RBMS3: variants seen among roughly 807,000 people sequenced by gnomAD.
RBMS3 encodes RNA-binding motif, single-stranded-interacting protein 3.
RBMS3 carries 27 observed loss-of-function variants against 66.8 expected under a neutral mutation model. That is an observed-to-expected ratio of 0.40 (90% CI 0.30 to 0.56). The LOEUF is 0.56. Among genes scored for constraint, RBMS3 ranks in the 20% least tolerant of loss-of-function variants. The pLI is 0.40. For synonymous variants in RBMS3, 188 were observed against 183.0 expected, an observed-to-expected ratio of 1.03 and a Z score of -0.22; for missense variants, 513 against 549.5, an observed-to-expected ratio of 0.93 and a Z score of 0.66.
At chr3:29,630,472 G>C (rs1057459054) in intron 4 of RBMS3, among the ~76,000 whole-genome samples, 1 of 151,900 alleles carries the variant, frequency 6.6e-6, no homozygotes, top group African/African-American at 2.4e-5. Flanking sequence ...TACAGTGCCT[G>C]CTATACATAG....
At chr3:29,751,022 T>C (rs2055158188) in intron 5 of RBMS3, among the ~76,000 whole-genome samples, 1 of 152,218 alleles carries the variant, frequency 6.6e-6, no homozygotes, top group African/African-American at 2.4e-5. Context: ...AGTCATTTAT[T>C]TTGTGAAAAT....
At chr3:29,657,448 T>A (rs1262750706) in intron 4 of RBMS3, among the ~76,000 whole-genome samples, 1 of 152,232 alleles carries the variant, frequency 6.6e-6, no homozygotes, top group Non-Finnish European at 1.5e-5. Context: ...TCTTCTCCAC[T>A]GAGCATTGAA....
intron 3 of RBMS3, among the ~76,000 whole-genome samples, chr3:29,512,000 T>C (rs1338237717): frequency 6.6e-6 from 1 of 152,124 alleles, no homozygotes; most frequent in Admixed American, 6.6e-5. Flanking sequence ...TAAAATCTTA[T>C]GTTATGGTAC....
At chr3:29,689,856 G>A (rs531768739) in intron 4 of RBMS3, among the ~76,000 whole-genome samples, 39 of 128,452 alleles carry the variant, frequency 3.0e-4, no homozygotes, top group African/African-American at 1.1e-3. Flanking sequence ...GAGGCATAAG[G>A]TTCACTTAAG....
At position 29,608,663 on chromosome 3, in the gene RBMS3, T is replaced by C. The variant is rs574653909; in HGVS notation, c.399+21458T>C. On this transcript the variant is annotated intron_variant, in intron 4 of 14. Coordinates refer to ENST00000383767, the MANE Select transcript of RBMS3 (RefSeq NM_001003793.3). ...ATTAAACTGCATGAACGAGCTGAGA[T>C]GAGAGAAGAATATAGTCAAGGTAAA... Among the ~76,000 whole-genome samples, 6 of 152,068 alleles carry C rather than the reference T, an allele frequency of 3.9e-5. No individual in the cohort carries two copies. The East Asian group carries it at 9.7e-4, about 25-fold the overall frequency.
chr3:29,988,223 A>G lies in RBMS3; in HGVS notation c.1179A>G (p.Glu393=). Residue 393 remains glutamate (E), a splice_region_variant and synonymous_variant, in exon 13 of 15, where the codon GAA becomes GAG. Transcript: ENST00000383767. ...TGCCTCCGACAGCTGTTTCTATTGA[A>G]GTAAGTCTACCCCTGTCTAATAAAG... ...TPVPPTAVSI[E]GVVADTSPQT... is the part of the protein sequence containing the mutation. The G allele has an allele frequency of 6.2e-7, 1 of 1,603,340 alleles. No homozygotes were observed. Among genetic ancestry groups the G allele is most frequent in the Non-Finnish European group, 8.5e-7 (1 of 1,170,730 alleles).
intron 12 of RBMS3, among the ~76,000 whole-genome samples, chr3:29,965,736 A>G (rs1816995): frequency 0.33 from 50,493 of 151,906 alleles, 9,351 homozygotes; most frequent in African/African-American, 0.49. Context: ...AGTTTAATTA[A>G]GCCCAAAAAA....
chr3:29,291,319 T>C (rs1183934270), intron 1 of RBMS3, among the ~76,000 whole-genome samples: 3 of 151,934 alleles, frequency 2.0e-5, no homozygotes, highest in Non-Finnish European at 4.4e-5. Flanking sequence ...AATATCTCTG[T>C]ATTTTAGTAA....
intron 1 of RBMS3, among the ~76,000 whole-genome samples, chr3:29,413,037 T>G (rs9828661): frequency 0.025 from 3,817 of 152,244 alleles, 175 homozygotes; most frequent in African/African-American, 0.086. Context: ...TGGCCCTGTT[T>G]GGACATTAAT....
At chr3:29,803,592 T>C (rs980295286) in intron 6 of RBMS3, among the ~76,000 whole-genome samples, 9 of 152,098 alleles carry the variant, frequency 5.9e-5, no homozygotes, top group African/African-American at 2.2e-4. Context: ...AGCCAAAAGA[T>C]ATATTTTATC....
intron 3 of RBMS3, among the ~76,000 whole-genome samples, chr3:29,540,816 C>T (rs939144242): frequency 3.3e-5 from 5 of 152,150 alleles, no homozygotes; most frequent in African/African-American, 9.7e-5. Flanking sequence ...CAGAAAACTG[C>T]TAGCTATACC....
intron 10 of RBMS3, among the ~76,000 whole-genome samples, chr3:29,903,500 A>G (rs2060304050): frequency 6.6e-6 from 1 of 152,002 alleles, no homozygotes; most frequent in African/African-American, 2.4e-5. Flanking sequence ...GGATTGCACC[A>G]AATACCTACT....
intron 4 of RBMS3, among the ~76,000 whole-genome samples, chr3:29,604,272 T>G (rs1489928252): frequency 6.6e-6 from 1 of 151,972 alleles, no homozygotes; most frequent in Non-Finnish European, 1.5e-5. Flanking sequence ...ATCTTATAAG[T>G]GACAAGAAAC....
intron 1 of RBMS3, among the ~76,000 whole-genome samples, chr3:29,415,625 A>G (rs1051844190): frequency 6.6e-6 from 1 of 152,162 alleles, no homozygotes; most frequent in Non-Finnish European, 1.5e-5. Flanking sequence ...CAGGAAATAC[A>G]ATTTGGAGAC....
At chr3:29,950,200 CAG>C (rs1695586506) in intron 12 of RBMS3, among the ~76,000 whole-genome samples, 2 of 151,952 alleles carry the variant, frequency 1.3e-5, no homozygotes, top group East Asian at 3.9e-4. Flanking sequence ...GTGGCAAGGA[CAG>C]AGAAAAACGA....
chr3:29,783,347 T>A (rs139108622), intron 6 of RBMS3, among the ~76,000 whole-genome samples: 1,784 of 152,284 alleles, frequency 0.012, 24 homozygotes, highest in African/African-American at 0.04. Flanking sequence ...TAACAGCAGA[T>A]TTCTCAGCAG....
chr3:29,505,208 T>A (rs1576040621), intron 3 of RBMS3, among the ~76,000 whole-genome samples: 1 of 152,140 alleles, frequency 6.6e-6, no homozygotes, highest in South Asian at 2.1e-4. Flanking sequence ...TTTACATTTT[T>A]AATCCCTTTT....
rs191033027 is a variant in RBMS3 at position 29,564,437 on chromosome 3, G to C, written c.308-22677G>C. Among the ~76,000 whole-genome samples, 415 of 150,576 alleles carry C rather than the reference G, an allele frequency of 2.8e-3. 5 individuals carry two copies. The highest frequency in any genetic ancestry group is 9.8e-3 in the African/African-American group (402 of 40,916). ...GAAGGTGGAGGTTGCAGTGAGCCGA[G>C]ATCGTGCTATTGCGCTCCAGCCTGG... On this transcript the variant is annotated intron_variant, in intron 3 of 14. Transcript: ENST00000383767.
intron 4 of RBMS3, among the ~76,000 whole-genome samples, chr3:29,695,432 G>C (rs2052223881): frequency 6.6e-6 from 1 of 152,154 alleles, no homozygotes; most frequent in South Asian, 2.1e-4. Flanking sequence ...TCTGTGTAGA[G>C]TATGTATTCC....
Sources: gnomAD v4.1 joint callset for allele counts (sites outside exome capture counted in the v4.1 genomes callset) on GRCh38, gnomAD v4.1.1 for gene constraint, MANE v1.5 for transcripts, NCBI Gene and HGNC (gene_info 2026-07-23, HGNC 2026-07-21) for gene names.